PKHD1: variants seen among roughly 807,000 people sequenced by gnomAD.
PKHD1 encodes the protein PKHD1 ciliary IPT domain containing fibrocystin/polyductin, also known as fibrocystin.
A neutral mutation model predicts 412.0 loss-of-function variants in PKHD1; 291 were observed. That is an observed-to-expected ratio of 0.71 (90% confidence interval 0.64 to 0.78). PKHD1 has a LOEUF of 0.78. Ranked by LOEUF, PKHD1 falls within the 30% of genes least tolerant of loss-of-function variation. PKHD1 has a pLI of 0.00. For missense variants in PKHD1, 4,825 were observed against 4,950.7 expected (o/e 0.97, Z 0.76); for synonymous variants, 1,777 against 1,821.5 (o/e 0.98, Z 0.62).
At position 51,767,785 on chromosome 6, in the gene PKHD1, A is replaced by C. The variant is rs538141047; in HGVS notation, c.8642+4917T>G. 4.7e-3 allele frequency among the ~76,000 whole-genome samples: 712 copies of C among 152,324 alleles called. 3 individuals are homozygous for C. Among genetic ancestry groups the C allele is most frequent in the African/African-American group, 0.016 (675 of 41,568 alleles). ...AGTGCCGCAATTAACATATGTGTGC[A>C]TGTGTCTTTATAGCAGCATGATTTA... On this transcript the variant is annotated intron_variant, in intron 55 of 66. Coordinates refer to ENST00000371117, the MANE Select transcript of PKHD1 (RefSeq NM_138694.4).
At chr6:51,982,092 T>A (rs1795422183) in intron 35 of PKHD1, among the ~76,000 whole-genome samples, 2 of 63,920 alleles carry the variant, frequency 3.1e-5, no homozygotes, top group African/African-American at 8.3e-5. Flanking sequence ...AACCGCCCCG[T>A]CTGAGAAGTG....
chr6:52,051,940 A>T (rs1806917033), intron 21 of PKHD1, among the ~76,000 whole-genome samples: 1 of 152,122 alleles, frequency 6.6e-6, no homozygotes, highest in Non-Finnish European at 1.5e-5. Flanking sequence ...ATAAGCAATG[A>T]CCCAGATGTC....
chr6:51,794,047 CTTT>C (rs58801569), intron 52 of PKHD1, among the ~76,000 whole-genome samples: 64,001 of 123,308 alleles, frequency 0.52, 15,264 homozygotes, highest in East Asian at 0.77. Flanking sequence ...TGCTTTTTGA[CTTT>C]TTTTTTTTTT....
At chr6:51,705,185 G>A (rs553302227) in intron 60 of PKHD1, among the ~76,000 whole-genome samples, 2 of 152,016 alleles carry the variant, frequency 1.3e-5, no homozygotes, top group Non-Finnish European at 1.5e-5. Flanking sequence ...CTACAGTACC[G>A]AGAAGTAGAA....
At chr6:51,932,319 G>T (rs891287107) in intron 37 of PKHD1, among the ~76,000 whole-genome samples, 17 of 152,160 alleles carry the variant, frequency 1.1e-4, no homozygotes, top group African/African-American at 4.1e-4. Context: ...GATGAGCTTG[G>T]AATGAAAGAG....
At chr6:51,961,304 A>G (rs1397980529) in intron 35 of PKHD1, among the ~76,000 whole-genome samples, 1 of 152,174 alleles carries the variant, frequency 6.6e-6, no homozygotes, top group African/African-American at 2.4e-5. Context: ...CAAGGTCAAC[A>G]GTGCTAAGTT....
At chr6:52,027,593 A>G (rs1253572433) in intron 31 of PKHD1, among the ~76,000 whole-genome samples, 1 of 149,284 alleles carries the variant, frequency 6.7e-6, no homozygotes, top group Middle Eastern at 3.7e-3. Context: ...AAAAAAAAGA[A>G]AAGAAAAGCA....
chr6:51,710,516 C>T (rs1780531278), intron 60 of PKHD1, among the ~76,000 whole-genome samples: 1 of 152,054 alleles, frequency 6.6e-6, no homozygotes, highest in Non-Finnish European at 1.5e-5. Context: ...CTTATTTATA[C>T]ATGAATCTTA....
chr6:51,791,661 T>A (rs1360805148), intron 52 of PKHD1, among the ~76,000 whole-genome samples: 1 of 152,150 alleles, frequency 6.6e-6, no homozygotes, highest in Non-Finnish European at 1.5e-5. Flanking sequence ...AACACACAGA[T>A]CGAATGAGCT....
chr6:51,921,807 T>C lies in PKHD1; in HGVS notation c.6122-9231A>G, dbSNP rs900788901. ...TCATCTAAGGTCTTCTCTATGCTGTTTATTCTAGTTAGCCATTCATCTAAT... is the reference window on the plus strand; with the variant it reads ...TCATCTAAGGTCTTCTCTATGCTGTCTATTCTAGTTAGCCATTCATCTAAT... On this transcript the variant is annotated intron_variant, in intron 37 of 66. Transcript: ENST00000371117. Among the ~76,000 whole-genome samples, 7 of 152,328 alleles carry C rather than the reference T, an allele frequency of 4.6e-5. No individual in the cohort carries two copies. The East Asian group carries it at 1.3e-3, about 29-fold the overall frequency.
chr6:51,889,195 A>G lies in PKHD1; in HGVS notation c.6997-1950T>C, dbSNP rs77741752. On this transcript the variant is annotated intron_variant, in intron 43 of 66. Coordinates refer to ENST00000371117, the MANE Select transcript of PKHD1 (RefSeq NM_138694.4). The stretch of plus-strand genomic sequence containing the variant: ...GAGTATCCTCCTTGGAAGTCACTCA[A>G]TCCCGGGAACACAAACTATGGGGCT... Among the ~76,000 whole-genome samples the G allele has an allele frequency of 6.1e-3, 922 of 152,168 alleles. 3 individuals carry two copies. Among genetic ancestry groups the G allele is most frequent in the South Asian group, 0.014 (68 of 4,806 alleles).
chr6:51,848,938 TGA>T (rs1771698028), intron 49 of PKHD1, among the ~76,000 whole-genome samples: 1 of 100,256 alleles, frequency 1.0e-5, no homozygotes, highest in South Asian at 4.2e-4. Flanking sequence ...TTATTTCTTC[TGA>T]AAAAAAAAAA....
chr6:52,026,299 C>T lies in PKHD1; in HGVS notation c.3629-118G>A, dbSNP rs115086356. The T allele has an allele frequency of 2.1e-3, 2,046 of 971,968 alleles. 26 individuals carry two copies. In the African/African-American group the frequency reaches 0.03, roughly 14 times the overall value. 60.2% of individuals were successfully genotyped at this position (971,968 alleles called of 1,614,324 possible). On this transcript the variant is annotated intron_variant, in intron 31 of 66. Coordinates refer to ENST00000371117, the MANE Select transcript of PKHD1 (RefSeq NM_138694.4). ...AAGGTAGGGCATGTGTTAGTGAAAC[C>T]TCAATTATTTTTTCTCACCCCCACC...
chr6:51,824,727 A>G (rs1164441742), intron 52 of PKHD1, among the ~76,000 whole-genome samples: 1 of 152,198 alleles, frequency 6.6e-6, no homozygotes, highest in Non-Finnish European at 1.5e-5. Flanking sequence ...TCTACCCTGA[A>G]AGAAAATGCT....
intron 55 of PKHD1, among the ~76,000 whole-genome samples, chr6:51,766,329 A>C (rs1324927314): frequency 6.6e-6 from 1 of 152,108 alleles, no homozygotes; most frequent in African/African-American, 2.4e-5. Flanking sequence ...GGATTTCCCT[A>C]TTATGTATAT....
chr6:51,736,396 A>G (rs972517474), intron 60 of PKHD1, among the ~76,000 whole-genome samples: 1 of 152,170 alleles, frequency 6.6e-6, no homozygotes, highest in Non-Finnish European at 1.5e-5. Flanking sequence ...GAGTGACAAA[A>G]TAAGGTGAAG....
At chr6:51,958,814 T>TACACACACACAC (rs112637668) in intron 36 of PKHD1, among the ~76,000 whole-genome samples, 8 of 149,642 alleles carry the variant, frequency 5.3e-5, no homozygotes, top group East Asian at 2.0e-4. Flanking sequence ...AGCCACTAGC[T>TACACACACACAC]ACACACACAC....
chr6:51,835,714 A>G (rs1769087836), intron 51 of PKHD1, among the ~76,000 whole-genome samples: 1 of 152,224 alleles, frequency 6.6e-6, no homozygotes. Context: ...ATTATCATTT[A>G]TAGTTTTAGT....
At chr6:51,724,105 C>T (rs1280950414) in intron 60 of PKHD1, among the ~76,000 whole-genome samples, 1 of 152,068 alleles carries the variant, frequency 6.6e-6, no homozygotes, top group Admixed American at 6.6e-5. Context: ...TTGTCATATG[C>T]CCACAAAACC....
Sources: gnomAD v4.1 joint callset for allele counts (sites outside exome capture counted in the v4.1 genomes callset) on GRCh38, gnomAD v4.1.1 for gene constraint, MANE v1.5 for transcripts, NCBI Gene and HGNC (gene_info 2026-07-23, HGNC 2026-07-21) for gene names.